SCML1: variants seen among roughly 807,000 people sequenced by gnomAD.
SCML1 encodes sex comb on midleg-like protein 1.
For missense variants in SCML1, 137 were observed against 258.1 expected, an observed-to-expected ratio of 0.53 and a Z score of 3.22; for synonymous variants, 104 against 103.6, an observed-to-expected ratio of 1.00 and a Z score of -0.02.
chrX:17,753,222 C>G, intron 7 of SCML1, 36 bp from the exon 8 acceptor site: 1 of 1,084,309 alleles, frequency 9.2e-7, no homozygotes, highest in Non-Finnish European at 1.2e-6. Context: ...AATATGGAAG[C>G]ATTATTAATT....
chrX:17,752,750 A>G (rs1209367090), intron 7 of SCML1, among the ~76,000 whole-genome samples: 1 of 111,666 alleles, frequency 9.0e-6, no homozygotes, highest in African/African-American at 3.2e-5. Context: ...CTGATTTTTA[A>G]TATAGTAAGA....
At chrX:17,749,172 A>G (rs1732880719) in intron 4 of SCML1, among the ~76,000 whole-genome samples, 2 of 112,037 alleles carry the variant, frequency 1.8e-5, no homozygotes, top group African/African-American at 6.5e-5. Flanking sequence ...CTCAATTCCT[A>G]CATGGAGTAG....
chrX:17,754,361 TA>T lies in SCML1; in HGVS notation c.*970del, dbSNP rs1490859689. On this transcript the variant is annotated 3_prime_UTR_variant, in exon 8 of 8. Coordinates refer to ENST00000380041, the MANE Select transcript of SCML1 (RefSeq NM_001037540.3). The stretch of plus-strand genomic sequence containing the variant: ...TGAGCCATATATTAGTGAAATGTTT[TA>T]TTTTGTAAAATATAAATGGATTATT... The T allele has an allele frequency of 8.9e-6, 1 of 112,586 alleles. No individual in the cohort carries two copies. The highest frequency in any genetic ancestry group is 1.9e-5 in the Non-Finnish European group (1 of 53,285). 9.3% of individuals were successfully genotyped at this position (112,586 alleles called of 1,213,427 possible).
At chrX:17,745,198 G>C (rs747496427) in intron 2 of SCML1, 1 of 240,071 alleles carries the variant, frequency 4.2e-6, no homozygotes, top group Non-Finnish European at 7.5e-6. Flanking sequence ...GGTGCTAAAG[G>C]ACTAGTCTTT....
At chrX:17,747,626 C>T (rs956676575) in intron 4 of SCML1, among the ~76,000 whole-genome samples, 5 of 111,828 alleles carry the variant, frequency 4.5e-5, no homozygotes, top group Admixed American at 9.5e-5. Context: ...AAAAGGTCTC[C>T]GTGACTGCAG....
intron 6 of SCML1, 97 bp downstream of exon 6, chrX:17,750,390 G>T: frequency 1.1e-6 from 1 of 898,505 alleles, no homozygotes; most frequent in Non-Finnish European, 1.5e-6. Flanking sequence ...TCATCTCTCT[G>T]CTTCCCTTCT....
chrX:17,747,123 A>G lies in SCML1; in HGVS notation c.198+1025A>G, dbSNP rs181951203. Reference sequence around the variant, plus strand: ...GTCCTGCCTCTTCACTCGTGGAGATAGTGGAGCACCTGGGGCAGTCCTCTC... The same window carrying G: ...GTCCTGCCTCTTCACTCGTGGAGATGGTGGAGCACCTGGGGCAGTCCTCTC... On this transcript the variant is annotated intron_variant, in intron 4 of 7. Coordinates refer to ENST00000380041, the MANE Select transcript of SCML1 (RefSeq NM_001037540.3). Among the ~76,000 whole-genome samples the G allele has an allele frequency of 5.4e-5, 6 of 111,820 alleles. No homozygotes were observed. In the East Asian group the frequency reaches 1.4e-3, roughly 26 times the overall value.
chrX:17,743,477 A>G (rs1401407393), intron 1 of SCML1, among the ~76,000 whole-genome samples: 1 of 112,336 alleles, frequency 8.9e-6, no homozygotes, highest in Non-Finnish European at 1.9e-5. Flanking sequence ...AGTGACTCAG[A>G]GCCATAACCA....
Position 17,750,113 on chromosome X carries a change from C to T in SCML1, c.523C>T (p.Leu175Phe). The T allele has an allele frequency of 8.3e-7, 1 of 1,211,868 alleles. No individual in the cohort carries two copies. The highest frequency in any genetic ancestry group is 1.7e-5 in the African/African-American group (1 of 57,819). Residue 175 changes from leucine to phenylalanine, a missense_variant, in exon 6 of 8, where the codon CTC (leucine) becomes TTC (phenylalanine). Physicochemically the swap from Leu to Phe is conservative, Grantham distance 22. Coordinates refer to ENST00000380041, the MANE Select transcript of SCML1 (RefSeq NM_001037540.3). Reference protein sequence around the residue: ...QRAELEEDPILSRTPSPVHPS... With the variant: ...QRAELEEDPIFSRTPSPVHPS... Reference sequence around the variant, plus strand: ...AGCTGAGCTGGAGGAGGACCCGATCCTCAGCCGCACTCCGAGTCCAGTGCA... The same window carrying T: ...AGCTGAGCTGGAGGAGGACCCGATCTTCAGCCGCACTCCGAGTCCAGTGCA...
At chrX:17,750,366 A>G (rs1601879714) in intron 6 of SCML1, 73 bp downstream of exon 6, 1 of 1,008,989 alleles carries the variant, frequency 9.9e-7, no homozygotes, top group East Asian at 3.2e-5. Flanking sequence ...TTGATGGAGA[A>G]TAGGTATACT....
At chrX:17,752,053 G>A in intron 7 of SCML1, 87 bp downstream of exon 7, 2 of 966,931 alleles carry the variant, frequency 2.1e-6, no homozygotes, top group Non-Finnish European at 2.8e-6. Context: ...TGTGTGAATG[G>A]TGGGAGAACC....
intron 6 of SCML1, among the ~76,000 whole-genome samples, chrX:17,751,435 T>C (rs2066706313): frequency 8.9e-6 from 1 of 112,464 alleles, no homozygotes; most frequent in Non-Finnish European, 1.9e-5. Context: ...TTCCTTGAAA[T>C]ACTTGAAGAG....
intron 1 of SCML1, among the ~76,000 whole-genome samples, chrX:17,743,317 C>A (rs1254531852): frequency 1.8e-5 from 2 of 111,579 alleles, no homozygotes; most frequent in African/African-American, 3.3e-5. Flanking sequence ...CTTAATTGTG[C>A]CTCTCATTAC....
At chrX:17,747,627 G>C (rs778125214) in intron 4 of SCML1, among the ~76,000 whole-genome samples, 1 of 111,786 alleles carries the variant, frequency 8.9e-6, no homozygotes, top group African/African-American at 3.3e-5. Context: ...AAAGGTCTCC[G>C]TGACTGCAGC....
At chrX:17,753,124 G>T in intron 7 of SCML1, 134 bp from the exon 8 acceptor site, 1 of 395,824 alleles carries the variant, frequency 2.5e-6, no homozygotes, top group South Asian at 1.2e-4. Flanking sequence ...TCATAAAGTA[G>T]ACGCATATTC....
At chrX:17,743,655 C>T (rs750584935) in intron 1 of SCML1, among the ~76,000 whole-genome samples, 86 of 111,509 alleles carry the variant, frequency 7.7e-4, no homozygotes, top group Non-Finnish European at 1.1e-3. Flanking sequence ...TCTTGTGGTC[C>T]GCCCAGCCCA....
chrX:17,746,024 A>T lies in SCML1; in HGVS notation c.124A>T (p.Asn42Tyr). 8.6e-7 allele frequency: 1 copy of T among 1,167,363 alleles called. No homozygotes were observed. Among genetic ancestry groups the T allele is most frequent in the Non-Finnish European group, 1.2e-6 (1 of 864,676 alleles). ...TKPEFVNKEP[N>Y]IVSDASCNTE... ...ACTTTTAAAATATTAGCAGGAACCGAATATTGTATCTGACGCATCCTGTAA... is the reference window on the plus strand; with the variant it reads ...ACTTTTAAAATATTAGCAGGAACCGTATATTGTATCTGACGCATCCTGTAA... The change falls in exon 4 of 8, where the codon AAT becomes TAT. Residue 42 changes from asparagine (N) to tyrosine (Y), a missense_variant. Physicochemically the swap from Asn to Tyr is moderately radical, Grantham distance 143. Transcript: ENST00000380041.
chrX:17,749,849 C>G, intron 5 of SCML1, 45 bp from the exon 6 acceptor site: 4 of 1,120,097 alleles, frequency 3.6e-6, no homozygotes, highest in Non-Finnish European at 4.8e-6. Flanking sequence ...ATTTTATTTA[C>G]TTTTTTACTC....
At chrX:17,752,036 TG>T in intron 7 of SCML1, 70 bp downstream of exon 7, 2 of 1,041,283 alleles carry the variant, frequency 1.9e-6, no homozygotes, top group Non-Finnish European at 2.6e-6. Context: ...GTCTTTCAGT[TG>T]GATACTGTGT....
Sources: gnomAD v4.1 joint callset for allele counts (sites outside exome capture counted in the v4.1 genomes callset) on GRCh38, gnomAD v4.1.1 for gene constraint, MANE v1.5 for transcripts, NCBI Gene and HGNC (gene_info 2026-07-23, HGNC 2026-07-21) for gene names.